The following RANBP17 variants were observed in gnomAD, a reference collection of about 807,000 sequenced individuals.
RANBP17 encodes RAN binding protein 17, also known as ran-binding protein 17.
A neutral mutation model predicts 141.2 loss-of-function variants in RANBP17; 158 were observed. That is an observed-to-expected ratio of 1.12 (90% CI 0.98 to 1.28). The LOEUF (loss-of-function observed/expected upper bound fraction) is 1.28. Ranked by LOEUF, RANBP17 falls within the 50% of genes most tolerant of loss-of-function variation. RANBP17 has a pLI of 0.00. For missense variants in RANBP17, 1,438 were observed against 1,290.7 expected, an observed-to-expected ratio of 1.11 and a Z score of -1.75; for synonymous variants, 430 against 450.0, an observed-to-expected ratio of 0.96 and a Z score of 0.56.
intron 14 of RANBP17, among the ~76,000 whole-genome samples, chr5:171,141,106 C>T (rs1267424565): frequency 6.6e-6 from 1 of 151,792 alleles, no homozygotes; most frequent in Non-Finnish European, 1.5e-5. Flanking sequence ...TTGCAGAATC[C>T]CTAAAAATGT....
intron 8 of RANBP17, among the ~76,000 whole-genome samples, chr5:170,915,931 T>A (rs957479071): frequency 6.6e-6 from 1 of 152,172 alleles, no homozygotes; most frequent in Admixed American, 6.5e-5. Flanking sequence ...TGGCTGATTT[T>A]GTTAATGAAA....
intron 14 of RANBP17, among the ~76,000 whole-genome samples, chr5:171,119,867 C>T (rs1755894694): frequency 6.6e-6 from 1 of 151,848 alleles, no homozygotes; most frequent in African/African-American, 2.4e-5. Flanking sequence ...TGGAGAAACC[C>T]CGTCTCTACT....
chr5:170,941,773 G>A (rs1185417432), intron 12 of RANBP17, among the ~76,000 whole-genome samples: 1 of 152,198 alleles, frequency 6.6e-6, no homozygotes, highest in African/African-American at 2.4e-5. Flanking sequence ...ACAGAAAAAT[G>A]TGAGTCAAAA....
intron 20 of RANBP17, among the ~76,000 whole-genome samples, chr5:171,208,914 T>C (rs1399283127): frequency 6.6e-6 from 1 of 152,232 alleles, no homozygotes; most frequent in African/African-American, 2.4e-5. Context: ...TGTTCCCTGA[T>C]ACATAATGAG....
intron 21 of RANBP17, among the ~76,000 whole-genome samples, chr5:171,219,916 G>A (rs577800811): frequency 4.6e-5 from 7 of 151,940 alleles, no homozygotes; most frequent in South Asian, 2.1e-4. Context: ...CTCATTCTCC[G>A]TCCAGTTTTG....
At chr5:171,189,979 A>T (rs1029829188) in intron 18 of RANBP17, among the ~76,000 whole-genome samples, 2 of 149,460 alleles carry the variant, frequency 1.3e-5, no homozygotes, top group East Asian at 1.9e-4. Flanking sequence ...TCCTCAAATT[A>T]AAAAAAAAAG....
In RANBP17 at chr5:170,862,083, C is replaced by T. The variant is rs981335236; in HGVS notation, c.18+32C>T. ...GTGCTCTGCGCCGCGGGCCCGCGCT[C>T]CGCCACGCTGGGAACCCGGCGGGAC... is the stretch of plus-strand genomic sequence containing the variant. On this transcript the variant is annotated intron_variant, in intron 1 of 27. Coordinates refer to ENST00000523189, the MANE Select transcript of RANBP17 (RefSeq NM_022897.5). The T allele has an allele frequency of 4.2e-6, 6 of 1,443,194 alleles. No homozygotes were observed. In the African/African-American group the frequency reaches 7.4e-5, roughly 18 times the overall value. 89.4% of individuals were successfully genotyped at this position (1,443,194 alleles called of 1,614,324 possible). A position where few individuals can be genotyped will look rare whatever the true frequency, so the allele number is the denominator to read the frequency against.
chr5:171,012,312 C>T (rs1044362935), intron 14 of RANBP17, among the ~76,000 whole-genome samples: 3 of 151,954 alleles, frequency 2.0e-5, no homozygotes, highest in East Asian at 1.9e-4. Context: ...ATTGCATTGT[C>T]GTTGCTTGCT....
intron 14 of RANBP17, among the ~76,000 whole-genome samples, chr5:171,146,997 G>A (rs375405705): frequency 3.5e-4 from 53 of 152,280 alleles, no homozygotes; most frequent in Middle Eastern, 3.4e-3. Flanking sequence ...ATATGTGAGC[G>A]TTAAATTAGT....
chr5:171,250,238 G>A (rs754139234), intron 24 of RANBP17, among the ~76,000 whole-genome samples: 1 of 152,182 alleles, frequency 6.6e-6, no homozygotes, highest in Non-Finnish European at 1.5e-5. Context: ...CCACTAGACT[G>A]CAGCCACAAG....
At chr5:170,944,135 G>A (rs1048491063) in intron 12 of RANBP17, among the ~76,000 whole-genome samples, 2 of 152,002 alleles carry the variant, frequency 1.3e-5, no homozygotes, top group Non-Finnish European at 2.9e-5. Flanking sequence ...GCTAATTTCC[G>A]AAAGTAGCTT....
intron 21 of RANBP17, among the ~76,000 whole-genome samples, chr5:171,217,755 T>C (rs1369192225): frequency 6.6e-6 from 1 of 152,200 alleles, no homozygotes; most frequent in African/African-American, 2.4e-5. Context: ...TGATATCCCC[T>C]TTATCATTTT....
intron 1 of RANBP17, among the ~76,000 whole-genome samples, chr5:170,864,443 A>C (rs920624216): frequency 2.0e-5 from 3 of 152,130 alleles, no homozygotes; most frequent in Admixed American, 2.0e-4. Context: ...CTCTGCTCCT[A>C]ATGCTTGGAG....
chr5:171,274,156 G>GCA (rs1581165424), intron 25 of RANBP17, among the ~76,000 whole-genome samples: 4 of 146,322 alleles, frequency 2.7e-5, no homozygotes, highest in South Asian at 4.6e-4. Context: ...GTGTGCGCGC[G>GCA]CGCGCGCGTG....
intron 14 of RANBP17, among the ~76,000 whole-genome samples, chr5:171,058,531 T>A (rs1252831696): frequency 2.0e-5 from 3 of 151,954 alleles, no homozygotes; most frequent in Non-Finnish European, 4.4e-5. Context: ...ACAGTGTATA[T>A]GTGCCACATT....
chr5:170,962,412 A>G (rs1486592027), intron 13 of RANBP17, among the ~76,000 whole-genome samples: 1 of 152,244 alleles, frequency 6.6e-6, no homozygotes, highest in Non-Finnish European at 1.5e-5. Flanking sequence ...AATGTGTGCT[A>G]TAAAAAGGAA....
At chr5:170,872,442 G>A (rs1380345957) in intron 1 of RANBP17, among the ~76,000 whole-genome samples, 2 of 152,096 alleles carry the variant, frequency 1.3e-5, no homozygotes, top group East Asian at 1.9e-4. Context: ...TAGATTGTAG[G>A]ATCATGTTGT....
rs553148537 is a variant in RANBP17 at position 171,264,678 on chromosome 5, T to C, written c.2777-1003T>C. On this transcript the variant is annotated intron_variant, in intron 24 of 27. Coordinates refer to ENST00000523189, the MANE Select transcript of RANBP17 (RefSeq NM_022897.5). ...TTTATTACCAATGAACTTCTTGTCA[T>C]TTTCTTCTCATTCAACTCTGCAAGG... 2.0e-5 allele frequency among the ~76,000 whole-genome samples: 3 copies of C among 152,358 alleles called. No homozygotes were observed. In the East Asian group the frequency reaches 5.8e-4, roughly 29 times the overall value.
chr5:171,089,762 A>G (rs983374985), intron 14 of RANBP17, among the ~76,000 whole-genome samples: 1 of 152,122 alleles, frequency 6.6e-6, no homozygotes, highest in African/African-American at 2.4e-5. Flanking sequence ...TCGGAAAGGG[A>G]ACTCCCTGAC....
Sources: gnomAD v4.1 joint callset for allele counts (sites outside exome capture counted in the v4.1 genomes callset) on GRCh38, gnomAD v4.1.1 for gene constraint, MANE v1.5 for transcripts, NCBI Gene and HGNC (gene_info 2026-07-23, HGNC 2026-07-21) for gene names.